Variants in PATJ observed in about 807,000 individuals in gnomAD.
PATJ encodes inaD-like protein.
A neutral mutation model predicts 224.9 loss-of-function variants in PATJ; 190 were observed. That is an observed-to-expected ratio of 0.84 (90% CI 0.75 to 0.95). The LOEUF (loss-of-function observed/expected upper bound fraction) is 0.95, where lower values mean the gene tolerates loss of function less well. Ranked by LOEUF, PATJ falls within the 40% of genes least tolerant of loss-of-function variation. PATJ has a pLI of 0.00. For missense variants in PATJ, 2,121 were observed against 2,270.3 expected (o/e 0.93, Z 1.34); for synonymous variants, 769 against 820.3 (o/e 0.94, Z 1.07).
intron 27 of PATJ, chr1:61,952,404 T>C: frequency 1.4e-6 from 1 of 717,238 alleles, no homozygotes; most frequent in South Asian, 1.5e-5. Context: ...TCCAAGGGGG[T>C]TTCCCAGGTA....
At chr1:61,968,908 C>G (rs1257965644) in intron 27 of PATJ, among the ~76,000 whole-genome samples, 1 of 152,156 alleles carries the variant, frequency 6.6e-6, no homozygotes, top group African/African-American at 2.4e-5. Context: ...ACCTGGCAAC[C>G]ACCATTACAG....
At chr1:62,129,927 A>C (rs1465882307) in intron 41 of PATJ, among the ~76,000 whole-genome samples, 2 of 152,160 alleles carry the variant, frequency 1.3e-5, no homozygotes, top group East Asian at 3.9e-4. Flanking sequence ...TGACAGAGTG[A>C]GACTGTCTCA....
At chr1:61,996,741 C>CTTTTTTTT (rs56215259) in intron 28 of PATJ, among the ~76,000 whole-genome samples, 19 of 97,736 alleles carry the variant, frequency 1.9e-4, no homozygotes, top group East Asian at 1.4e-3. Context: ...CTTTTCTTTT[C>CTTTTTTTT]TTTTTTTTTT....
intron 31 of PATJ, among the ~76,000 whole-genome samples, chr1:62,067,099 C>G (rs893433228): frequency 4.6e-5 from 7 of 150,806 alleles, no homozygotes; most frequent in Non-Finnish European, 1.0e-4. Context: ...AGAGTTCAGG[C>G]CCCTCTCATA....
intron 27 of PATJ, among the ~76,000 whole-genome samples, chr1:61,984,260 A>C (rs942640363): frequency 6.6e-6 from 1 of 150,990 alleles, no homozygotes; most frequent in Admixed American, 6.6e-5. Flanking sequence ...TCCTGGGTTC[A>C]AGTGATTCTC....
At chr1:62,080,997 G>A (rs1042649306) in intron 32 of PATJ, among the ~76,000 whole-genome samples, 2 of 152,126 alleles carry the variant, frequency 1.3e-5, no homozygotes, top group African/African-American at 2.4e-5. Context: ...TCATATTTCA[G>A]TGTCCACAAA....
intron 20 of PATJ, among the ~76,000 whole-genome samples, chr1:61,871,433 A>G (rs1212084902): frequency 1.8e-5 from 2 of 111,290 alleles, no homozygotes; most frequent in Admixed American, 2.1e-4. Context: ...GTACATATAT[A>G]TGTGTATATA....
chr1:62,095,950 C>T (rs2148814216), intron 33 of PATJ, among the ~76,000 whole-genome samples: 1 of 152,074 alleles, frequency 6.6e-6, no homozygotes, highest in East Asian at 1.9e-4. Flanking sequence ...AGCACTGAAA[C>T]TCATGCCTGA....
At position 62,132,924 on chromosome 1, in the gene PATJ, A is replaced by G. The variant is rs527618705; in HGVS notation, c.5271+3979A>G. 2.6e-5 allele frequency among the ~76,000 whole-genome samples: 4 copies of G among 152,220 alleles called. No homozygotes were observed. The South Asian group carries it at 8.3e-4, about 32-fold the overall frequency. ...CTCAAAATTAAAAAAAAAAAATTAC[A>G]TAAGTAAGTGAATAGGTGTGATTTT... On this transcript the variant is annotated intron_variant, in intron 41 of 43. Transcript: ENST00000642238.
rs376752596 is a variant in PATJ at position 61,769,427 on chromosome 1, G to C, written c.524+5G>C. ...GCCAGGGAGTGTAGCAGACAGGTGA[G>C]GAAGCTGTTTATTTTCATTTTGCTA... On this transcript the variant is annotated splice_donor_5th_base_variant and intron_variant, in intron 5 of 43. Transcript: ENST00000642238. 1.4e-5 allele frequency: 23 copies of C among 1,607,076 alleles called. No individual in the cohort carries two copies. The African/African-American group carries it at 2.8e-4, about 20-fold the overall frequency.
intron 25 of PATJ, among the ~76,000 whole-genome samples, chr1:61,912,054 T>C (rs1488136011): frequency 6.6e-6 from 1 of 151,872 alleles, no homozygotes; most frequent in East Asian, 1.9e-4. Context: ...CAGCTCATTA[T>C]GTTTATCATC....
intron 34 of PATJ, among the ~76,000 whole-genome samples, chr1:62,108,896 A>G (rs1025705822): frequency 6.6e-6 from 1 of 152,190 alleles, no homozygotes; most frequent in African/African-American, 2.4e-5. Context: ...CTGATATTTT[A>G]AAGATTTTAT....
intron 9 of PATJ, among the ~76,000 whole-genome samples, chr1:61,794,995 A>C (rs997994659): frequency 6.6e-6 from 1 of 152,024 alleles, no homozygotes; most frequent in Non-Finnish European, 1.5e-5. Flanking sequence ...AAAACAAACA[A>C]AAAGATCATA....
At chr1:61,848,025 C>A (rs1662240150) in intron 17 of PATJ, among the ~76,000 whole-genome samples, 1 of 152,018 alleles carries the variant, frequency 6.6e-6, no homozygotes, top group South Asian at 2.1e-4. Flanking sequence ...TTTGAATTAA[C>A]TTCTGTCTTT....
chr1:61,790,224 AG>A, intron 8 of PATJ, among the ~76,000 whole-genome samples: 1 of 137,514 alleles, frequency 7.3e-6, no homozygotes, highest in African/African-American at 2.7e-5. Context: ...AAAAAAAAAA[AG>A]AAGAAGAAGA....
chr1:62,136,710 G>A (rs989226593), intron 41 of PATJ, among the ~76,000 whole-genome samples: 3 of 150,986 alleles, frequency 2.0e-5, no homozygotes, highest in South Asian at 4.2e-4. Flanking sequence ...TGTGTGTGGT[G>A]TGTTGTTTTT....
intron 27 of PATJ, among the ~76,000 whole-genome samples, chr1:61,944,230 G>A (rs1043441006): frequency 2.6e-5 from 4 of 152,186 alleles, no homozygotes; most frequent in Admixed American, 1.3e-4. Context: ...TGACTTTGAC[G>A]AATTGAGAGA....
intron 7 of PATJ, among the ~76,000 whole-genome samples, chr1:61,776,974 C>G (rs1170201844): frequency 6.6e-6 from 1 of 152,160 alleles, no homozygotes; most frequent in Non-Finnish European, 1.5e-5. Flanking sequence ...ATCCGCCCGC[C>G]TTAGCCTCCC....
chr1:61,894,617 G>A (rs566653234), intron 22 of PATJ, among the ~76,000 whole-genome samples: 3 of 152,250 alleles, frequency 2.0e-5, no homozygotes, highest in African/African-American at 7.2e-5. Context: ...AGTTTCCTGA[G>A]ACCTCCCCAG....
Sources: gnomAD v4.1 joint callset for allele counts (sites outside exome capture counted in the v4.1 genomes callset) on GRCh38, gnomAD v4.1.1 for gene constraint, MANE v1.5 for transcripts, NCBI Gene and HGNC (gene_info 2026-07-23, HGNC 2026-07-21) for gene names.